Variants in BNIP1 observed in about 807,000 individuals in gnomAD.
BNIP1 encodes the protein BCL2 interacting protein 1.
Under a neutral mutation model 28.5 loss-of-function variants are expected in BNIP1, and 25 were observed. The observed-to-expected ratio is 0.88, with a 90% CI of 0.64 to 1.23. The LOEUF (loss-of-function observed/expected upper bound fraction) is 1.23, where lower values mean the gene tolerates loss of function less well. Ranked by LOEUF, BNIP1 falls within the 50% of genes most tolerant of loss-of-function variation. BNIP1 has a pLI of 0.00. For synonymous variants in BNIP1, 118 were observed against 101.7 expected, an observed-to-expected ratio of 1.16 and a Z score of -0.96; for missense variants, 276 against 277.0, an observed-to-expected ratio of 1.00 and a Z score of 0.02.
In BNIP1 at chr5:173,160,109, C is replaced by T. The variant is rs1274948961; in HGVS notation, c.490+58C>T. 5.3e-6 allele frequency: 8 copies of T among 1,505,836 alleles called. No homozygotes were observed. In the Admixed American group the frequency reaches 1.1e-4, roughly 20 times the overall value. The allele number at this position is 1,505,836 out of a possible 1,614,324, so 93.3% of individuals were successfully genotyped here. A position where few individuals can be genotyped will look rare whatever the true frequency, so the allele number is the denominator to read the frequency against. On this transcript the variant is annotated intron_variant, in intron 5 of 5. Coordinates refer to ENST00000351486, the MANE Select transcript of BNIP1 (RefSeq NM_001205.3). Reference sequence around the variant, plus strand: ...CAGAGACGCTGCTCTAGGGCCCTTGCCCTGGCACCTCCACTCTGGGCTCCT... The same window carrying T: ...CAGAGACGCTGCTCTAGGGCCCTTGTCCTGGCACCTCCACTCTGGGCTCCT...
intron 1 of BNIP1, 86 bp from the exon 2 acceptor site, chr5:173,146,780 T>G: frequency 2.0e-6 from 2 of 1,020,816 alleles, no homozygotes; most frequent in South Asian, 2.8e-5. Flanking sequence ...TATTAGTTGG[T>G]CTAAACCAAC....
intron 2 of BNIP1, among the ~76,000 whole-genome samples, chr5:173,147,322 G>A (rs1056191837): frequency 3.3e-5 from 5 of 151,834 alleles, no homozygotes; most frequent in Non-Finnish European, 5.9e-5. Context: ...GGAGAATGGC[G>A]TGAACCCAGG....
At chr5:173,150,460 G>A (rs1195127073) in intron 2 of BNIP1, among the ~76,000 whole-genome samples, 1 of 152,128 alleles carries the variant, frequency 6.6e-6, no homozygotes, top group Non-Finnish European at 1.5e-5. Context: ...TTGAAAATGT[G>A]TAATTTTTGC....
chr5:173,158,731 C>T lies in BNIP1; in HGVS notation c.270-13C>T. The T allele has an allele frequency of 6.2e-7, 1 of 1,608,088 alleles. No individual in the cohort carries two copies. The highest frequency in any genetic ancestry group is 8.5e-7 in the Non-Finnish European group (1 of 1,175,424). The stretch of plus-strand genomic sequence containing the variant: ...GGAGTGGACACACTCACACGTGAAC[C>T]TTCCAATTCCAGCAATCAGGCCTCA... On this transcript the variant is annotated splice_polypyrimidine_tract_variant and intron_variant, in intron 3 of 5. Transcript: ENST00000351486.
intron 2 of BNIP1, among the ~76,000 whole-genome samples, chr5:173,147,831 A>G (rs1429477840): frequency 1.3e-5 from 2 of 151,640 alleles, no homozygotes; most frequent in Non-Finnish European, 2.9e-5. Flanking sequence ...TGTTGCTTTC[A>G]TTTTTAAAAA....
At chr5:173,162,635 AAAAAG>A (rs952415599) in intron 5 of BNIP1, among the ~76,000 whole-genome samples, 7 of 152,176 alleles carry the variant, frequency 4.6e-5, no homozygotes, top group African/African-American at 1.4e-4. Context: ...TCTCAAAAAA[AAAAAG>A]AAAAGAAACA....
chr5:173,148,082 AAATATATATATATATATATATATATAT>A (rs1759905473), intron 2 of BNIP1, among the ~76,000 whole-genome samples: 10 of 45,956 alleles, frequency 2.2e-4, no homozygotes, highest in African/African-American at 5.4e-4. Context: ...AAAAAAAAAA[AAATATATATATATATATATATATATAT>A]ATATATATAT....
intron 3 of BNIP1, 62 bp downstream of exon 3, chr5:173,154,475 G>T: frequency 7.3e-7 from 1 of 1,366,454 alleles, no homozygotes; most frequent in Non-Finnish European, 1.0e-6. Context: ...TGTGAGCCTT[G>T]CACGTGTGTT....
chr5:173,158,984 C>A, intron 4 of BNIP1, 139 bp downstream of exon 4: 2 of 578,776 alleles, frequency 3.5e-6, no homozygotes, highest in Non-Finnish European at 6.0e-6. Context: ...AAAATGCATA[C>A]TTATTTGTAG....
At position 173,146,746 on chromosome 5, in the gene BNIP1, G is replaced by A; in HGVS notation, c.85-120G>A. ...TGCAGAGGTAAACAGCAAAGATCAGGATGAATTATAGTTAGTATGTTAATA... is the reference window on the plus strand; with the variant it reads ...TGCAGAGGTAAACAGCAAAGATCAGAATGAATTATAGTTAGTATGTTAATA... On this transcript the variant is annotated intron_variant, in intron 1 of 5. Coordinates refer to ENST00000351486, the MANE Select transcript of BNIP1 (RefSeq NM_001205.3). 8.1e-6 allele frequency: 5 copies of A among 617,722 alleles called. No homozygotes were observed. The East Asian group carries it at 1.4e-4, about 18-fold the overall frequency. The allele number at this position is 617,722 out of a possible 1,614,324, so 38.3% of individuals were successfully genotyped here.
At chr5:173,144,694 C>T in intron 1 of BNIP1, 65 bp downstream of exon 1, 1 of 1,548,678 alleles carries the variant, frequency 6.5e-7, no homozygotes, top group East Asian at 2.3e-5. Flanking sequence ...GGTCTGTGAG[C>T]TTGGCAGTGT....
intron 3 of BNIP1, among the ~76,000 whole-genome samples, chr5:173,155,623 G>T (rs1394980953): frequency 6.6e-6 from 1 of 152,034 alleles, no homozygotes. Context: ...GCTTGAGCCC[G>T]GGAGGCAGAG....
At chr5:173,157,476 G>A (rs779808126) in intron 3 of BNIP1, among the ~76,000 whole-genome samples, 9 of 151,422 alleles carry the variant, frequency 5.9e-5, no homozygotes, top group Admixed American at 2.0e-4. Context: ...GTGCAGTGGC[G>A]TGATCTTGGC....
At chr5:173,161,162 A>T (rs1331461989) in intron 5 of BNIP1, 1 of 210,168 alleles carries the variant, frequency 4.8e-6, no homozygotes, top group Non-Finnish European at 1.0e-5. Flanking sequence ...ATATCTCAGT[A>T]CATCTCTCTA....
intron 3 of BNIP1, among the ~76,000 whole-genome samples, chr5:173,157,926 GTT>G (rs1173336773): frequency 7.2e-6 from 1 of 138,202 alleles, no homozygotes; most frequent in Non-Finnish European, 1.6e-5. Context: ...GTGTGTGTGT[GTT>G]TTTTTTTTTT....
At chr5:173,148,557 A>C (rs1464365598) in intron 2 of BNIP1, among the ~76,000 whole-genome samples, 4 of 152,116 alleles carry the variant, frequency 2.6e-5, no homozygotes, top group African/African-American at 9.7e-5. Context: ...ACTTAAAAAG[A>C]TGCTGTCCAT....
At chr5:173,155,142 A>C (rs976313090) in intron 3 of BNIP1, among the ~76,000 whole-genome samples, 4 of 152,220 alleles carry the variant, frequency 2.6e-5, no homozygotes, top group African/African-American at 9.6e-5. Flanking sequence ...AAATGCAAGA[A>C]AAACCGTAAA....
intron 5 of BNIP1, chr5:173,161,668 T>A (rs1014734320): frequency 2.6e-5 from 4 of 152,144 alleles, no homozygotes; most frequent in Admixed American, 1.3e-4. Context: ...ACTAGGACCA[T>A]AATTTTAAAA....
Position 173,144,571 on chromosome 5 carries a change from T to G in BNIP1, c.26T>G (p.Val9Gly). 1 of 1,614,150 alleles carries G rather than the reference T, an allele frequency of 6.2e-7. No individual in the cohort carries two copies. The highest frequency in any genetic ancestry group is 8.5e-7 in the Non-Finnish European group (1 of 1,180,010). Reference protein sequence around the residue: MAAPQDVHVRICNQEIVKF... With the variant: MAAPQDVHGRICNQEIVKF... The stretch of plus-strand genomic sequence containing the variant: ...ATGGCGGCTCCCCAAGACGTCCACG[T>G]CCGGATCTGTAACCAAGAGATTGTC... The change falls in exon 1 of 6, where the codon GTC becomes GGC. Residue 9 changes from valine (V) to glycine (G), a missense_variant. Val to Gly is a moderately radical substitution (Grantham distance 109, BLOSUM62 -3). Transcript: ENST00000351486.
Sources: gnomAD v4.1 joint callset for allele counts (sites outside exome capture counted in the v4.1 genomes callset) on GRCh38, gnomAD v4.1.1 for gene constraint, MANE v1.5 for transcripts, NCBI Gene and HGNC (gene_info 2026-07-23, HGNC 2026-07-21) for gene names.